Variants in CARMIL1 observed in about 807,000 individuals in gnomAD.
The protein encoded by CARMIL1 is capping protein regulator and myosin 1 linker 1.
A neutral mutation model predicts 177.1 loss-of-function variants in CARMIL1; 90 were observed. The ratio of observed to expected loss-of-function variants is 0.51; its 90% CI spans 0.43 to 0.61. The LOEUF (loss-of-function observed/expected upper bound fraction) is 0.61, where lower values mean the gene tolerates loss of function less well. Ranked by LOEUF, CARMIL1 falls within the 20% of genes least tolerant of loss-of-function variation. The pLI, the probability that CARMIL1 is intolerant of heterozygous loss-of-function variation, is 0.00. For missense variants in CARMIL1, 1,380 were observed against 1,667.0 expected (o/e 0.83, Z 3.00); for synonymous variants, 577 against 606.2 (o/e 0.95, Z 0.71).
At chr6:25,608,827 A>G (rs1255810926) in intron 35 of CARMIL1, among the ~76,000 whole-genome samples, 1 of 152,172 alleles carries the variant, frequency 6.6e-6, no homozygotes, top group African/African-American at 2.4e-5. Context: ...TTCTACGTGC[A>G]CAGACACTCA....
intron 36 of CARMIL1, 100 bp downstream of exon 36, chr6:25,610,281 G>A: frequency 7.6e-7 from 1 of 1,318,198 alleles, no homozygotes; most frequent in Non-Finnish European, 9.9e-7. Flanking sequence ...ATATCTTAGA[G>A]TTTGTTAAAG....
intron 5 of CARMIL1, among the ~76,000 whole-genome samples, chr6:25,442,670 C>G (rs964264657): frequency 1.3e-5 from 2 of 152,090 alleles, no homozygotes; most frequent in African/African-American, 4.8e-5. Flanking sequence ...ACAACTTTAT[C>G]TCTTATGGAA....
At chr6:25,384,728 A>G (rs1463578732) in intron 2 of CARMIL1, among the ~76,000 whole-genome samples, 1 of 152,246 alleles carries the variant, frequency 6.6e-6, no homozygotes, top group African/African-American at 2.4e-5. Flanking sequence ...TCCAAGCCTC[A>G]CTGCCTTGAG....
rs1245154875 is a variant in CARMIL1, at chr6:25,332,763, A to ACACACACACACG, written c.138+47863_138+47864insACGCACACACAC. On this transcript the variant is annotated intron_variant, in intron 2 of 36. Transcript: ENST00000329474. ...TGCATACACACACACACACACACAC[A>ACACACACACACG]CACACACACGCGCACACACACACAC... 3.7e-4 allele frequency among the ~76,000 whole-genome samples: 44 copies of ACACACACACACG among 119,552 alleles called. 1 individual carries two copies. The highest frequency in any genetic ancestry group is 1.4e-3 in the African/African-American group (43 of 30,086). The allele number at this position is 119,552 out of a possible 152,430, so 78.4% of individuals were successfully genotyped here. A position where few individuals can be genotyped will look rare whatever the true frequency, so the allele number is the denominator to read the frequency against.
chr6:25,290,814 C>T (rs375969208), intron 2 of CARMIL1, among the ~76,000 whole-genome samples: 15 of 152,156 alleles, frequency 9.9e-5, no homozygotes, highest in African/African-American at 3.1e-4. Flanking sequence ...ACGACAGGGT[C>T]TCACTGTGTT....
chr6:25,356,311 C>T (rs969904198), intron 2 of CARMIL1, among the ~76,000 whole-genome samples: 1 of 152,202 alleles, frequency 6.6e-6, no homozygotes, highest in Admixed American at 6.5e-5. Context: ...CCCGCCTCGG[C>T]CTCCCAAAGT....
chr6:25,586,284 G>A (rs1442002186), intron 31 of CARMIL1, among the ~76,000 whole-genome samples: 2 of 150,114 alleles, frequency 1.3e-5, no homozygotes, highest in Non-Finnish European at 3.0e-5. Context: ...ACGGGGTGGC[G>A]GTTGGGCAGA....
intron 29 of CARMIL1, among the ~76,000 whole-genome samples, chr6:25,576,455 A>G (rs1812596408): frequency 6.6e-6 from 1 of 152,208 alleles, no homozygotes; most frequent in Non-Finnish European, 1.5e-5. Flanking sequence ...GCTGCTCCTA[A>G]AATGCAGTGG....
At chr6:25,523,512 G>T (rs1806781609) in intron 23 of CARMIL1, among the ~76,000 whole-genome samples, 1 of 152,142 alleles carries the variant, frequency 6.6e-6, no homozygotes, top group African/African-American at 2.4e-5. Flanking sequence ...GTGAAAAGGA[G>T]TTTGTGAAAA....
intron 12 of CARMIL1, among the ~76,000 whole-genome samples, chr6:25,483,213 C>T (rs1400822235): frequency 6.6e-6 from 1 of 152,170 alleles, no homozygotes; most frequent in Admixed American, 6.5e-5. Context: ...TGTGCCTGGA[C>T]TACTGTTTAA....
At chr6:25,387,838 T>C (rs1056619583) in intron 2 of CARMIL1, among the ~76,000 whole-genome samples, 2 of 152,132 alleles carry the variant, frequency 1.3e-5, no homozygotes, top group Non-Finnish European at 1.5e-5. Context: ...TCGTATGAAA[T>C]AGAGAATAAT....
chr6:25,350,305 C>T (rs1043784300), intron 2 of CARMIL1, among the ~76,000 whole-genome samples: 1 of 152,150 alleles, frequency 6.6e-6, no homozygotes, highest in Admixed American at 6.5e-5. Context: ...GCTTTGTAGT[C>T]CCTTCCTGTT....
chr6:25,414,741 T>G (rs75168269), intron 2 of CARMIL1, among the ~76,000 whole-genome samples: 60 of 152,318 alleles, frequency 3.9e-4, no homozygotes, highest in African/African-American at 1.1e-3. Context: ...TTGGGAAAGC[T>G]TGGAAGATTT....
chr6:25,547,856 A>G (rs1478283787), intron 26 of CARMIL1, among the ~76,000 whole-genome samples: 2 of 152,176 alleles, frequency 1.3e-5, no homozygotes, highest in Admixed American at 1.3e-4. Flanking sequence ...TTCCGACTGT[A>G]TGGCAGCAGG....
intron 24 of CARMIL1, among the ~76,000 whole-genome samples, chr6:25,531,829 G>GGC (rs1480709400): frequency 2.6e-5 from 4 of 152,140 alleles, no homozygotes; most frequent in Non-Finnish European, 5.9e-5. Flanking sequence ...GGAGTGCAGT[G>GGC]GCGCAATCTC....
intron 20 of CARMIL1, among the ~76,000 whole-genome samples, chr6:25,512,127 A>G (rs1805512073): frequency 6.6e-6 from 1 of 152,174 alleles, no homozygotes; most frequent in South Asian, 2.1e-4. Context: ...TATACTTAAA[A>G]TTCACCCCAA....
At chr6:25,587,282 T>C (rs1053633801) in intron 31 of CARMIL1, among the ~76,000 whole-genome samples, 1 of 152,174 alleles carries the variant, frequency 6.6e-6, no homozygotes, top group Non-Finnish European at 1.5e-5. Context: ...GATAAAAGAA[T>C]TCTTAAAAAT....
intron 17 of CARMIL1, among the ~76,000 whole-genome samples, chr6:25,506,557 C>T (rs79742863): frequency 7.5e-6 from 1 of 133,180 alleles, no homozygotes; most frequent in Non-Finnish European, 1.6e-5. Flanking sequence ...AACAAACAAA[C>T]AAAAAAGAAA....
intron 17 of CARMIL1, among the ~76,000 whole-genome samples, chr6:25,502,220 G>A (rs191896586): frequency 1.3e-5 from 2 of 150,792 alleles, no homozygotes; most frequent in East Asian, 1.9e-4. Flanking sequence ...TGAAAGGGGT[G>A]GGATAGGTTA....
Sources: allele counts gnomAD v4.1 joint callset (sites outside exome capture counted in the v4.1 genomes callset), GRCh38; gene constraint gnomAD v4.1.1; transcripts MANE v1.5; gene names NCBI Gene and HGNC (gene_info 2026-07-23, HGNC 2026-07-21).